Variants in PRKCB observed in about 807,000 individuals in gnomAD.
PRKCB encodes the protein protein kinase C beta type.
Under a neutral mutation model 81.5 loss-of-function variants are expected in PRKCB, and 13 were observed. The observed-to-expected ratio is 0.16, with a 90% CI of 0.10 to 0.25. PRKCB has a LOEUF of 0.25. Among genes scored for constraint, PRKCB ranks in the 10% least tolerant of loss-of-function variants. The pLI, the probability that PRKCB is intolerant of heterozygous loss-of-function variation, is 1.00. For missense variants in PRKCB, 509 were observed against 875.7 expected (o/e 0.58, Z 5.29); for synonymous variants, 335 against 321.4 (o/e 1.04, Z -0.45).
intron 5 of PRKCB, among the ~76,000 whole-genome samples, chr16:24,059,823 G>A (rs8051750): frequency 1.3e-5 from 2 of 152,198 alleles, no homozygotes; most frequent in East Asian, 3.9e-4. Flanking sequence ...TGATAAACAC[G>A]AGGCTAAGAA....
chr16:24,084,621 T>C (rs1274910363), intron 5 of PRKCB, among the ~76,000 whole-genome samples: 1 of 152,158 alleles, frequency 6.6e-6, no homozygotes, highest in Non-Finnish European at 1.5e-5. Flanking sequence ...ATATATTAAC[T>C]TGTTAAGGAA....
At chr16:24,146,876 A>G (rs1214423331) in intron 9 of PRKCB, among the ~76,000 whole-genome samples, 1 of 152,162 alleles carries the variant, frequency 6.6e-6, no homozygotes, top group Non-Finnish European at 1.5e-5. Context: ...TGTTGGTATT[A>G]AAGTTTCTGG....
At chr16:23,969,612 C>T (rs148588082) in intron 2 of PRKCB, among the ~76,000 whole-genome samples, 3 of 152,304 alleles carry the variant, frequency 2.0e-5, no homozygotes, top group Admixed American at 1.3e-4. Flanking sequence ...GAGCTTAACA[C>T]AGTGTCTAAC....
intron 2 of PRKCB, among the ~76,000 whole-genome samples, chr16:23,915,925 A>G (rs984533976): frequency 6.6e-6 from 1 of 152,112 alleles, no homozygotes; most frequent in South Asian, 2.1e-4. Context: ...ATGTATTTTA[A>G]ATTAAAATTA....
chr16:23,979,299 T>C (rs7205752), intron 2 of PRKCB, among the ~76,000 whole-genome samples: 3,521 of 152,332 alleles, frequency 0.023, 140 homozygotes, highest in African/African-American at 0.078. Flanking sequence ...CCATGAATCC[T>C]TCCATCCTGG....
At position 23,939,495 on chromosome 16, in the gene PRKCB, G is replaced by C. The variant is rs1423636638; in HGVS notation, c.206-49013G>C. Among the ~76,000 whole-genome samples, 4 of 152,314 alleles carry C rather than the reference G, an allele frequency of 2.6e-5. No individual in the cohort carries two copies. In the East Asian group the frequency reaches 7.7e-4, roughly 29 times the overall value. On this transcript the variant is annotated intron_variant, in intron 2 of 16. Coordinates refer to ENST00000643927, the MANE Select transcript of PRKCB (RefSeq NM_002738.7). ...CCGTAGTCAAGACTATGTGATATTG[G>C]TGGAGGGACAGACACATAAATCAAT...
At chr16:24,014,994 T>C (rs1014926511) in intron 3 of PRKCB, among the ~76,000 whole-genome samples, 1 of 152,038 alleles carries the variant, frequency 6.6e-6, no homozygotes, top group African/African-American at 2.4e-5. Context: ...AGAGATGGGG[T>C]TTTACCATGT....
intron 2 of PRKCB, among the ~76,000 whole-genome samples, chr16:23,849,061 G>A (rs553558003): frequency 6.6e-6 from 1 of 152,350 alleles, no homozygotes; most frequent in South Asian, 2.1e-4. Context: ...GGGCCGGAGA[G>A]GTGATTTGAG....
At chr16:23,935,606 C>CAA (rs200623798) in intron 2 of PRKCB, among the ~76,000 whole-genome samples, 1 of 149,350 alleles carries the variant, frequency 6.7e-6, no homozygotes, top group African/African-American at 2.5e-5. Flanking sequence ...TCACAGGACT[C>CAA]AAAAAAAAAT....
intron 16 of PRKCB, among the ~76,000 whole-genome samples, chr16:24,199,193 CCT>C (rs1391319546): frequency 6.6e-6 from 1 of 152,194 alleles, no homozygotes; most frequent in Non-Finnish European, 1.5e-5. Context: ...TTGCCCGTAT[CCT>C]CTGAGAGTCT....
chr16:23,884,831 A>T lies in PRKCB; in HGVS notation c.205+47425A>T, dbSNP rs145944389. 4.2e-3 allele frequency among the ~76,000 whole-genome samples: 643 copies of T among 152,174 alleles called. 10 individuals are homozygous for T. Among genetic ancestry groups the T allele is most frequent in the Middle Eastern group, 0.01 (3 of 294 alleles). ...GCTAGGATGACAGGTGTGAGCCACA[A>T]TGCCTAGCCCATATCTCCTTTTCTT... On this transcript the variant is annotated intron_variant, in intron 2 of 16. Coordinates refer to ENST00000643927, the MANE Select transcript of PRKCB (RefSeq NM_002738.7).
chr16:23,979,776 C>T (rs573029925), intron 2 of PRKCB, among the ~76,000 whole-genome samples: 26 of 152,272 alleles, frequency 1.7e-4, no homozygotes, highest in South Asian at 1.4e-3. Context: ...AGTGTTAACA[C>T]GGACTAGCTG....
chr16:23,860,213 T>C (rs749930766), intron 2 of PRKCB, among the ~76,000 whole-genome samples: 4 of 152,194 alleles, frequency 2.6e-5, no homozygotes, highest in African/African-American at 4.8e-5. Context: ...TTGTGTAAGA[T>C]GCAGTGGCAC....
intron 5 of PRKCB, among the ~76,000 whole-genome samples, chr16:24,052,074 C>CAA (rs71154271): frequency 0.017 from 1,559 of 91,222 alleles, 28 homozygotes; most frequent in African/African-American, 0.051. Flanking sequence ...GACTCCGTCT[C>CAA]AAAAAAAAAA....
Position 24,217,353 on chromosome 16 carries a change from A to T in PRKCB, c.*2537A>T, listed in dbSNP as rs1369654548. On this transcript the variant is annotated 3_prime_UTR_variant, in exon 17 of 17. Coordinates refer to ENST00000643927, the MANE Select transcript of PRKCB (RefSeq NM_002738.7). Reference sequence around the variant, plus strand: ...CCTTTTCTATCCACATTTCCAGTGCAGAAGAAACTGAGAAACAGAGCTTTT... The same window carrying T: ...CCTTTTCTATCCACATTTCCAGTGCTGAAGAAACTGAGAAACAGAGCTTTT... 2.2e-5 allele frequency: 22 copies of T among 985,326 alleles called. No homozygotes were observed. Among genetic ancestry groups the T allele is most frequent in the Non-Finnish European group, 2.7e-5 (22 of 829,942 alleles). The allele number at this position is 985,326 out of a possible 1,614,324, so 61.0% of individuals were successfully genotyped here.
intron 2 of PRKCB, among the ~76,000 whole-genome samples, chr16:23,910,519 G>A (rs925910721): frequency 4.6e-5 from 7 of 152,096 alleles, no homozygotes; most frequent in African/African-American, 1.7e-4. Flanking sequence ...TCTCAGGCTC[G>A]GGCCGTTAGG....
chr16:24,004,010 G>A (rs1034240104), intron 3 of PRKCB, among the ~76,000 whole-genome samples: 1 of 151,938 alleles, frequency 6.6e-6, no homozygotes, highest in Admixed American at 6.6e-5. Context: ...TTGTTGTCAC[G>A]GACATTATGC....
At chr16:23,980,872 C>G (rs1964690382) in intron 2 of PRKCB, among the ~76,000 whole-genome samples, 1 of 151,516 alleles carries the variant, frequency 6.6e-6, no homozygotes, top group Non-Finnish European at 1.5e-5. Context: ...TAGAGTAAAC[C>G]ACTAAAATTT....
rs750021427 is a variant in PRKCB, at chr16:24,132,771, C to CT, written c.1065+8811dup. On this transcript the variant is annotated intron_variant, in intron 9 of 16. Coordinates refer to ENST00000643927, the MANE Select transcript of PRKCB (RefSeq NM_002738.7). Reference sequence around the variant, plus strand: ...TGATTTAGATGTGTATGATTTGGGGCTTTTTTTTTTTTTTTTTTTTTCTTC... The same window carrying CT: ...TGATTTAGATGTGTATGATTTGGGGCTTTTTTTTTTTTTTTTTTTTTTCTTC... Among the ~76,000 whole-genome samples the CT allele has an allele frequency of 8.9e-3, 899 of 100,918 alleles. 12 individuals are homozygous for CT. Among genetic ancestry groups the CT allele is most frequent in the East Asian group, 0.043 (161 of 3,754 alleles). The allele number at this position is 100,918 out of a possible 152,430, so 66.2% of individuals were successfully genotyped here.
Sources: gnomAD v4.1 joint callset for allele counts (sites outside exome capture counted in the v4.1 genomes callset) on GRCh38, gnomAD v4.1.1 for gene constraint, MANE v1.5 for transcripts, NCBI Gene and HGNC (gene_info 2026-07-23, HGNC 2026-07-21) for gene names.